MBD5: variants seen among roughly 807,000 people sequenced by gnomAD.
The protein encoded by MBD5 is methyl-CpG-binding domain protein 5.
Under a neutral mutation model 117.3 loss-of-function variants are expected in MBD5, and 13 were observed. The ratio of observed to expected loss-of-function variants is 0.11; its 90% CI spans 0.07 to 0.18. MBD5 has a LOEUF of 0.18. MBD5 is among the 10% of genes least tolerant of loss of function. The probability of loss-of-function intolerance (pLI) is 1.00; values close to 1 mark genes in which losing one functional copy is unlikely to be tolerated. For missense variants in MBD5, 1,879 were observed against 2,093.8 expected (o/e 0.90, Z 2.00); for synonymous variants, 727 against 766.4 (o/e 0.95, Z 0.85).
chr2:148,128,263 C>T (rs1268077571), intron 1 of MBD5, among the ~76,000 whole-genome samples: 3 of 152,098 alleles, frequency 2.0e-5, no homozygotes, highest in Admixed American at 2.0e-4. Context: ...TTTTGCTTAA[C>T]ACAGTGCTGT....
intron 4 of MBD5, among the ~76,000 whole-genome samples, chr2:148,343,480 G>C (rs998053261): frequency 2.0e-5 from 3 of 152,030 alleles, no homozygotes; most frequent in Non-Finnish European, 4.4e-5. Flanking sequence ...ACTGGTATGA[G>C]AAGGTATCTA....
chr2:148,409,876 A>G (rs1202401451), intron 4 of MBD5, among the ~76,000 whole-genome samples: 1 of 152,204 alleles, frequency 6.6e-6, no homozygotes, highest in Non-Finnish European at 1.5e-5. Flanking sequence ...CCATATCACT[A>G]TAGAACTAGC....
chr2:148,155,478 A>G (rs185582917), intron 1 of MBD5, among the ~76,000 whole-genome samples: 1 of 152,210 alleles, frequency 6.6e-6, no homozygotes, highest in Non-Finnish European at 1.5e-5. Context: ...TCAGAGATTA[A>G]GTAATTTATA....
intron 1 of MBD5, among the ~76,000 whole-genome samples, chr2:148,064,289 G>T (rs1312906860): frequency 1.3e-5 from 2 of 151,302 alleles, no homozygotes; most frequent in African/African-American, 4.9e-5. Flanking sequence ...CTAATTTTTT[G>T]TATTTTTAGT....
intron 3 of MBD5, among the ~76,000 whole-genome samples, chr2:148,274,868 G>A (rs562516872): frequency 8.5e-5 from 13 of 152,090 alleles, no homozygotes; most frequent in East Asian, 1.9e-4. Flanking sequence ...GATTATAGGC[G>A]CATGCCACCA....
rs946918338 is a variant in MBD5 at position 148,428,152 on chromosome 2, G to A, written c.-556-30051G>A. 6.6e-5 allele frequency among the ~76,000 whole-genome samples: 10 copies of A among 152,172 alleles called. No homozygotes were observed. In the South Asian group the frequency reaches 1.2e-3, roughly 19 times the overall value. On this transcript the variant is annotated intron_variant, in intron 4 of 13. Coordinates refer to ENST00000642680, the MANE Select transcript of MBD5 (RefSeq NM_001378120.1). ...GATAAGGAACTTCAGCAAAGTCTCC[G>A]GATACAAAATCAATGTGCAAAAATC...
chr2:148,432,654 T>G (rs1348739207), intron 4 of MBD5, among the ~76,000 whole-genome samples: 1 of 152,148 alleles, frequency 6.6e-6, no homozygotes, highest in Non-Finnish European at 1.5e-5. Flanking sequence ...TGTTGTCAAC[T>G]TTGTTGGAGA....
intron 3 of MBD5, among the ~76,000 whole-genome samples, chr2:148,277,679 T>G (rs1241379747): frequency 6.6e-6 from 1 of 152,152 alleles, no homozygotes; most frequent in East Asian, 1.9e-4. Context: ...CTATTTGTGC[T>G]CGTTTTGTTT....
chr2:148,147,165 T>TAATAC (rs1697487321), intron 1 of MBD5, among the ~76,000 whole-genome samples: 1 of 152,028 alleles, frequency 6.6e-6, no homozygotes, highest in South Asian at 2.1e-4. Flanking sequence ...TCCCTTTGTA[T>TAATAC]AAGCCACACT....
At chr2:148,174,442 AATAG>A (rs1397739583) in intron 1 of MBD5, among the ~76,000 whole-genome samples, 1 of 152,166 alleles carries the variant, frequency 6.6e-6, no homozygotes, top group African/African-American at 2.4e-5. Flanking sequence ...CGAAAACAAA[AATAG>A]ATAAAGGGGA....
chr2:148,481,079 T>C (rs532920602), intron 8 of MBD5, among the ~76,000 whole-genome samples: 1 of 152,148 alleles, frequency 6.6e-6, no homozygotes, highest in African/African-American at 2.4e-5. Flanking sequence ...TCCCTTTTTT[T>C]GATTCTCAAA....
rs868072473 is a variant in MBD5, at chr2:148,489,259, G to C, written c.3754-127G>C. ...CTTTTTATTTCATTTTTTGAGTCTT[G>C]TTCTTTATATTTCCTTCCTTGTTAA... is the stretch of plus-strand genomic sequence containing the variant. On this transcript the variant is annotated intron_variant, in intron 10 of 13. Coordinates refer to ENST00000642680, the MANE Select transcript of MBD5 (RefSeq NM_001378120.1). 6.9e-5 allele frequency: 81 copies of C among 1,181,908 alleles called. 3 individuals are homozygous for C. In the South Asian group the frequency reaches 1.1e-3, roughly 16 times the overall value. 73.2% of individuals were successfully genotyped at this position (1,181,908 alleles called of 1,614,324 possible). A position where few individuals can be genotyped will look rare whatever the true frequency, so the allele number is the denominator to read the frequency against.
chr2:148,403,751 T>C (rs1298627836), intron 4 of MBD5, among the ~76,000 whole-genome samples: 1 of 148,124 alleles, frequency 6.8e-6, no homozygotes, highest in Non-Finnish European at 1.5e-5. Flanking sequence ...CACTCATATC[T>C]GTATGTGTGT....
chr2:148,046,271 T>A (rs562639541), intron 1 of MBD5, among the ~76,000 whole-genome samples: 1 of 152,116 alleles, frequency 6.6e-6, no homozygotes, highest in Non-Finnish European at 1.5e-5. Flanking sequence ...CATGAGCCAC[T>A]GCACCCAACC....
At chr2:148,153,648 C>CT (rs1697760370) in intron 1 of MBD5, among the ~76,000 whole-genome samples, 2 of 123,744 alleles carry the variant, frequency 1.6e-5, no homozygotes, top group African/African-American at 6.2e-5. Flanking sequence ...TCTTTTTATT[C>CT]TTTTTTCTCT....
At chr2:148,451,961 T>C (rs1706739680) in intron 4 of MBD5, among the ~76,000 whole-genome samples, 1 of 152,176 alleles carries the variant, frequency 6.6e-6, no homozygotes, top group Non-Finnish European at 1.5e-5. Flanking sequence ...TCTGTCCCAC[T>C]GTGTCTCCCA....
rs199626531 is a variant in MBD5, at chr2:148,489,584, G to A, written c.3952G>A (p.Val1318Ile). The A allele has an allele frequency of 5.3e-5, 85 of 1,614,008 alleles. No individual in the cohort carries two copies. The highest frequency in any genetic ancestry group is 6.4e-5 in the Non-Finnish European group (76 of 1,180,020). ...LVVGGPGDAS[V>I]DAIYKAVVDA... ...TGTGGGTGGCCCAGGTGATGCTTCC[G>A]TAGATGCCATTTACAAAGCAGTTGT... Residue 1318 changes from valine to isoleucine, a missense_variant, in exon 11 of 14, where the codon GTA becomes ATA. Physicochemically the swap from Val to Ile is conservative, Grantham distance 29 (BLOSUM62 3). Coordinates refer to ENST00000642680, the MANE Select transcript of MBD5 (RefSeq NM_001378120.1).
intron 1 of MBD5, among the ~76,000 whole-genome samples, chr2:148,084,646 G>A (rs556110751): frequency 6.6e-6 from 1 of 152,084 alleles, no homozygotes; most frequent in East Asian, 1.9e-4. Context: ...TATACTTTTG[G>A]TTATTTAAAT....
chr2:148,218,064 G>A (rs577169529), intron 2 of MBD5, among the ~76,000 whole-genome samples: 38 of 152,230 alleles, frequency 2.5e-4, no homozygotes, highest in East Asian at 1.2e-3. Context: ...ACTCACTAGC[G>A]TATTAATACA....
Sources: gnomAD v4.1 joint callset for allele counts (sites outside exome capture counted in the v4.1 genomes callset) on GRCh38, gnomAD v4.1.1 for gene constraint, MANE v1.5 for transcripts, NCBI Gene and HGNC (gene_info 2026-07-23, HGNC 2026-07-21) for gene names.